Variants in MYO5B observed in about 807,000 individuals in gnomAD.
MYO5B encodes the protein unconventional myosin-Vb.
A neutral mutation model predicts 229.3 loss-of-function variants in MYO5B; 143 were observed. The ratio of observed to expected loss-of-function variants is 0.62; its 90% CI spans 0.54 to 0.72. The LOEUF (loss-of-function observed/expected upper bound fraction) is 0.72. MYO5B is among the 30% of genes least tolerant of loss of function. MYO5B has a pLI of 0.00. For synonymous variants in MYO5B, 918 were observed against 885.2 expected (o/e 1.04, Z -0.66); for missense variants, 2,321 against 2,331.0 (o/e 1.00, Z 0.09).
intron 1 of MYO5B, among the ~76,000 whole-genome samples, chr18:50,194,535 G>C (rs1599095600): frequency 6.6e-6 from 1 of 152,330 alleles, no homozygotes; most frequent in East Asian, 1.9e-4. Context: ...GTGGCGCTGC[G>C]GAACCTCTAG....
intron 17 of MYO5B, among the ~76,000 whole-genome samples, chr18:49,926,001 A>G (rs2025124806): frequency 6.6e-6 from 1 of 152,202 alleles, no homozygotes; most frequent in Admixed American, 6.5e-5. Flanking sequence ...CACCTCATTA[A>G]CAGAGTTGTT....
At chr18:50,046,330 C>T (rs1358957576) in intron 2 of MYO5B, among the ~76,000 whole-genome samples, 2 of 152,190 alleles carry the variant, frequency 1.3e-5, no homozygotes, top group Non-Finnish European at 2.9e-5. Context: ...TAGGCTTTGC[C>T]TTTTAAGTTC....
chr18:49,984,687 G>T lies in MYO5B; in HGVS notation c.946+31C>A, dbSNP rs201432474. 2.0e-6 allele frequency: 3 copies of T among 1,528,358 alleles called. No homozygotes were observed. In the African/African-American group the frequency reaches 4.1e-5, roughly 21 times the overall value. 94.7% of individuals were successfully genotyped at this position (1,528,358 alleles called of 1,614,324 possible). On this transcript the variant is annotated intron_variant, in intron 8 of 39. Coordinates refer to ENST00000285039, the MANE Select transcript of MYO5B (RefSeq NM_001080467.3). ...TACCCTCCGTGCCATCAGCCCTCGG[G>T]GCCTGCTTCCCCAACTAAGAAGCTC...
chr18:49,874,629 G>A (rs4939904), intron 26 of MYO5B, among the ~76,000 whole-genome samples: 36,584 of 152,070 alleles, frequency 0.24, 4,547 homozygotes, highest in East Asian at 0.42. Flanking sequence ...GAATACAGGT[G>A]TTGCAAAAAA....
chr18:50,046,222 C>CT (rs2030221340), intron 2 of MYO5B, among the ~76,000 whole-genome samples: 1 of 152,210 alleles, frequency 6.6e-6, no homozygotes, highest in Admixed American at 6.5e-5. Context: ...AAAGCAGTGG[C>CT]TCTCAACCCT....
chr18:49,876,963 GCTCT>G (rs1206518297), intron 25 of MYO5B, among the ~76,000 whole-genome samples: 4 of 152,182 alleles, frequency 2.6e-5, no homozygotes, highest in African/African-American at 7.2e-5. Context: ...TCACTGACTA[GCTCT>G]CTGTCAGATG....
chr18:50,036,854 C>T lies in MYO5B; in HGVS notation c.451G>A (p.Ala151Thr). The change falls in exon 4 of 40, where the codon GCC (alanine) becomes ACC (threonine). Residue 151 changes from alanine to threonine, a missense_variant. By Grantham distance (58) the Ala-to-Thr change is moderately conservative. Transcript: ENST00000285039. ...AVAEEAYKQM[A>T]RDEKNQSIIV... is the part of the protein sequence containing the mutation. Reference sequence around the variant, plus strand: ...CTGGGCTGAGGACATTCTCACCTGGCCATCTGCTTGTAGGCTTCTTCTGCC... The same window carrying T: ...CTGGGCTGAGGACATTCTCACCTGGTCATCTGCTTGTAGGCTTCTTCTGCC... 1 of 1,614,090 alleles carries T rather than the reference C, an allele frequency of 6.2e-7. No homozygotes were observed. The highest frequency in any genetic ancestry group is 8.5e-7 in the Non-Finnish European group (1 of 1,180,014).
chr18:50,121,397 A>G (rs190154787), intron 1 of MYO5B, among the ~76,000 whole-genome samples: 47 of 152,362 alleles, frequency 3.1e-4, no homozygotes, highest in Middle Eastern at 3.4e-3. Flanking sequence ...TTCTTAAGTA[A>G]AATTCCAAGT....
intron 33 of MYO5B, among the ~76,000 whole-genome samples, chr18:49,846,059 G>A (rs1011488362): frequency 2.0e-5 from 3 of 152,220 alleles, no homozygotes; most frequent in East Asian, 3.9e-4. Context: ...TCTCACAGCT[G>A]CCTGGTGGCC....
chr18:49,900,946 G>A (rs556141057), intron 21 of MYO5B, among the ~76,000 whole-genome samples: 22 of 152,322 alleles, frequency 1.4e-4, no homozygotes, highest in African/African-American at 5.1e-4. Flanking sequence ...ATCAGAGCTC[G>A]GGTAGGATCC....
chr18:49,879,117 T>C, intron 23 of MYO5B, 27 bp from the exon 24 acceptor site: 1 of 1,613,952 alleles, frequency 6.2e-7, no homozygotes, highest in East Asian at 2.2e-5. Flanking sequence ...TAAGCTGCAG[T>C]TTTTCTGGAT....
intron 1 of MYO5B, among the ~76,000 whole-genome samples, chr18:50,059,919 G>C (rs536940493): frequency 2.4e-4 from 36 of 152,268 alleles, no homozygotes; most frequent in South Asian, 8.3e-4. Flanking sequence ...AGCAGTATAT[G>C]ATGAGTATAA....
intron 5 of MYO5B, among the ~76,000 whole-genome samples, chr18:49,996,083 C>T (rs924025734): frequency 6.6e-6 from 1 of 152,196 alleles, no homozygotes; most frequent in Non-Finnish European, 1.5e-5. Context: ...TTCTTACTTT[C>T]TAAGATAGCA....
intron 1 of MYO5B, among the ~76,000 whole-genome samples, chr18:50,109,297 C>T (rs1259752323): frequency 6.6e-6 from 1 of 152,202 alleles, no homozygotes; most frequent in Non-Finnish European, 1.5e-5. Flanking sequence ...GAGTGCTAGG[C>T]ACCCAAGCCG....
chr18:50,180,067 G>A (rs990422032), intron 1 of MYO5B, among the ~76,000 whole-genome samples: 2 of 152,140 alleles, frequency 1.3e-5, no homozygotes, highest in African/African-American at 4.8e-5. Context: ...AGATTCCTAA[G>A]GGCCTTCTCC....
At chr18:50,172,108 C>A (rs1456804526) in intron 1 of MYO5B, among the ~76,000 whole-genome samples, 1 of 151,966 alleles carries the variant, frequency 6.6e-6, no homozygotes, top group African/African-American at 2.4e-5. Context: ...AGGCAAGACC[C>A]CATCTCTACA....
intron 4 of MYO5B, among the ~76,000 whole-genome samples, chr18:50,014,522 G>C (rs890107103): frequency 8.5e-5 from 13 of 152,238 alleles, no homozygotes; most frequent in Admixed American, 3.9e-4. Flanking sequence ...GATTGGGTGA[G>C]ATACAGCCTG....
intron 4 of MYO5B, among the ~76,000 whole-genome samples, chr18:50,019,426 A>G (rs2026251535): frequency 6.6e-6 from 1 of 152,304 alleles, no homozygotes; most frequent in Non-Finnish European, 1.5e-5. Context: ...ATGCTATTCT[A>G]CAAACACAAT....
chr18:49,860,024 G>A (rs921673972), intron 29 of MYO5B, among the ~76,000 whole-genome samples: 59 of 152,150 alleles, frequency 3.9e-4, no homozygotes, highest in Non-Finnish European at 8.1e-4. Context: ...AGGTGCGCCC[G>A]ACCAAGCCCA....
Sources: gnomAD v4.1 joint callset for allele counts (sites outside exome capture counted in the v4.1 genomes callset) on GRCh38, gnomAD v4.1.1 for gene constraint, MANE v1.5 for transcripts, NCBI Gene and HGNC (gene_info 2026-07-23, HGNC 2026-07-21) for gene names.